Variants in PCDH15 observed in about 807,000 individuals in gnomAD.
PCDH15 encodes protocadherin related 15.
In PCDH15, 129 loss-of-function variants were observed where a neutral mutation model predicts 178.5. The observed-to-expected ratio is 0.72, with a 90% confidence interval of 0.63 to 0.84. The LOEUF is 0.84. Among genes scored for constraint, PCDH15 ranks in the 40% least tolerant of loss-of-function variants. The pLI is 0.00. For synonymous variants in PCDH15, 800 were observed against 732.0 expected, an observed-to-expected ratio of 1.09 and a Z score of -1.50; for missense variants, 2,230 against 2,099.9, an observed-to-expected ratio of 1.06 and a Z score of -1.21.
intron 14 of PCDH15, among the ~76,000 whole-genome samples, chr10:54,144,029 T>C (rs981288736): frequency 1.3e-5 from 2 of 152,082 alleles, no homozygotes. Flanking sequence ...TATATGGGCC[T>C]GAAGCTTCTT....
chr10:54,174,702 C>CTTTTTTTTTTTTTTTTTTTTTTTTTCTTT (rs1169302544), intron 13 of PCDH15, among the ~76,000 whole-genome samples: 1 of 84,054 alleles, frequency 1.2e-5, no homozygotes. Context: ...TTTTTCTTTT[C>CTTTTTTTTTTTTTTTTTTTTTTTTTCTTT]TTTTTTTTTT....
chr10:55,239,717 A>G (rs1183256100), intron 1 of PCDH15, among the ~76,000 whole-genome samples: 1 of 152,180 alleles, frequency 6.6e-6, no homozygotes, highest in Non-Finnish European at 1.5e-5. Flanking sequence ...GCTTTTGCAC[A>G]ACAAAGGAAA....
intron 3 of PCDH15, among the ~76,000 whole-genome samples, chr10:54,440,140 A>G (rs1295532231): frequency 6.6e-6 from 1 of 152,048 alleles, no homozygotes; most frequent in Non-Finnish European, 1.5e-5. Flanking sequence ...TAGATTAGCA[A>G]CCAGATGTGG....
intron 8 of PCDH15, among the ~76,000 whole-genome samples, chr10:54,252,366 G>A (rs957604792): frequency 1.4e-4 from 21 of 152,142 alleles, no homozygotes; most frequent in African/African-American, 4.8e-4. Flanking sequence ...GTTAAGAGAT[G>A]GAAAATGACA....
intron 2 of PCDH15, among the ~76,000 whole-genome samples, chr10:55,608,665 G>T (rs866725534): frequency 2.0e-5 from 3 of 152,016 alleles, no homozygotes; most frequent in Middle Eastern, 3.4e-3. Context: ...ACTTTAATCA[G>T]GTGCTGCAGC....
intron 1 of PCDH15, among the ~76,000 whole-genome samples, chr10:54,736,733 AT>A (rs1944177214): frequency 6.6e-6 from 1 of 152,012 alleles, no homozygotes; most frequent in Non-Finnish European, 1.5e-5. Flanking sequence ...GTATATCAGC[AT>A]TTTTGAGAAA....
chr10:54,881,781 G>A (rs186640802), intron 3 of PCDH15, among the ~76,000 whole-genome samples: 23 of 152,184 alleles, frequency 1.5e-4, no homozygotes, highest in African/African-American at 5.3e-4. Context: ...TCAATAGACT[G>A]GTGGGGCTTT....
At chr10:54,341,855 C>G (rs1341405569) in intron 6 of PCDH15, among the ~76,000 whole-genome samples, 1 of 152,128 alleles carries the variant, frequency 6.6e-6, no homozygotes, top group Non-Finnish European at 1.5e-5. Context: ...GGCATTTTGC[C>G]CCTGCCCTAG....
intron 3 of PCDH15, among the ~76,000 whole-genome samples, chr10:54,818,393 CT>C (rs1238064501): frequency 1.3e-5 from 2 of 152,018 alleles, no homozygotes; most frequent in East Asian, 1.9e-4. Context: ...TTTCAACATA[CT>C]TTTTTTCTGT....
At chr10:54,311,628 T>C (rs1259981916) in intron 8 of PCDH15, among the ~76,000 whole-genome samples, 2 of 152,076 alleles carry the variant, frequency 1.3e-5, no homozygotes, top group Non-Finnish European at 2.9e-5. Flanking sequence ...TAAGGTCCTA[T>C]AGAAATTTAT....
chr10:54,273,543 C>T (rs1341986252), intron 8 of PCDH15, among the ~76,000 whole-genome samples: 1 of 151,558 alleles, frequency 6.6e-6, no homozygotes, highest in Non-Finnish European at 1.5e-5. Context: ...CCATAATGAG[C>T]ACAAGAAAAC....
At chr10:54,707,469 A>T (rs1034082558) in intron 1 of PCDH15, among the ~76,000 whole-genome samples, 1 of 152,190 alleles carries the variant, frequency 6.6e-6, no homozygotes, top group South Asian at 2.1e-4. Context: ...TGCCATTTGC[A>T]ACAGCTACCA....
At chr10:55,244,982 C>G (rs1043735671) in intron 1 of PCDH15, among the ~76,000 whole-genome samples, 5 of 151,916 alleles carry the variant, frequency 3.3e-5, no homozygotes, top group African/African-American at 1.2e-4. Context: ...TTTCTGTCTT[C>G]TATTCTGAAG....
intron 1 of PCDH15, among the ~76,000 whole-genome samples, chr10:55,181,465 G>A (rs1839644476): frequency 6.6e-6 from 1 of 151,846 alleles, no homozygotes; most frequent in African/African-American, 2.4e-5. Context: ...GATAAAATTG[G>A]CACCTTGATC....
chr10:54,050,157 C>T (rs2093737660), intron 18 of PCDH15, among the ~76,000 whole-genome samples: 3 of 152,068 alleles, frequency 2.0e-5, no homozygotes, highest in Non-Finnish European at 2.9e-5. Flanking sequence ...CTCTGTATGT[C>T]TGGTAGAATT....
At chr10:55,608,656 C>T (rs1259625069) in intron 2 of PCDH15, among the ~76,000 whole-genome samples, 1 of 151,944 alleles carries the variant, frequency 6.6e-6, no homozygotes, top group Non-Finnish European at 1.5e-5. Context: ...AGGAAGAAGA[C>T]TTTAATCAGG....
At chr10:53,996,716 C>A (rs933002904) in intron 20 of PCDH15, among the ~76,000 whole-genome samples, 4 of 151,992 alleles carry the variant, frequency 2.6e-5, no homozygotes, top group African/African-American at 7.2e-5. Flanking sequence ...TGTATATAAT[C>A]TTTTGTCAAT....
intron 2 of PCDH15, among the ~76,000 whole-genome samples, chr10:55,554,099 G>C (rs181309467): frequency 1.3e-5 from 2 of 152,016 alleles, no homozygotes; most frequent in Admixed American, 6.6e-5. Context: ...CACTACCTCT[G>C]TCCAGCCCAA....
chr10:54,681,192 G>A (rs1389625528), intron 1 of PCDH15, among the ~76,000 whole-genome samples: 1 of 152,178 alleles, frequency 6.6e-6, no homozygotes, highest in African/African-American at 2.4e-5. Context: ...CCCTATTGGG[G>A]AGCGGCAGGT....
Sources: allele counts gnomAD v4.1 joint callset (sites outside exome capture counted in the v4.1 genomes callset), GRCh38; gene constraint gnomAD v4.1.1; transcripts MANE v1.5; gene names NCBI Gene and HGNC (gene_info 2026-07-23, HGNC 2026-07-21).